The following ADAMTS3 variants were observed in gnomAD, a reference collection of about 807,000 sequenced individuals.
ADAMTS3 encodes the protein ADAM metallopeptidase with thrombospondin type 1 motif 3.
Under a neutral mutation model 129.0 loss-of-function variants are expected in ADAMTS3, and 73 were observed. The ratio of observed to expected loss-of-function variants is 0.57; its 90% CI spans 0.47 to 0.69. ADAMTS3 has a LOEUF of 0.69. ADAMTS3 is among the 30% of genes least tolerant of loss of function. The probability of loss-of-function intolerance (pLI) is 0.00; values close to 1 mark genes in which losing one functional copy is unlikely to be tolerated. For missense variants in ADAMTS3, 1,457 were observed against 1,514.5 expected, an observed-to-expected ratio of 0.96 and a Z score of 0.63; for synonymous variants, 477 against 510.8, an observed-to-expected ratio of 0.93 and a Z score of 0.89.
chr4:72,319,018 C>T (rs1003616421), intron 9 of ADAMTS3, among the ~76,000 whole-genome samples: 1 of 152,108 alleles, frequency 6.6e-6, no homozygotes, highest in Non-Finnish European at 1.5e-5. Context: ...GAGCACAGCT[C>T]GTATCATATG....
At chr4:72,461,802 C>T (rs548356131) in intron 3 of ADAMTS3, among the ~76,000 whole-genome samples, 3 of 151,922 alleles carry the variant, frequency 2.0e-5, no homozygotes, top group Non-Finnish European at 4.4e-5. Flanking sequence ...ATTCAGTTTT[C>T]ACTCACAGTT....
intron 3 of ADAMTS3, among the ~76,000 whole-genome samples, chr4:72,538,294 A>G (rs11939678): frequency 0.29 from 43,603 of 152,094 alleles, 6,527 homozygotes; most frequent in Middle Eastern, 0.35. Context: ...AGCTCAATAA[A>G]CTTCAAGTAG....
At chr4:72,382,525 C>A (rs1721320168) in intron 4 of ADAMTS3, among the ~76,000 whole-genome samples, 2 of 152,026 alleles carry the variant, frequency 1.3e-5, no homozygotes, top group Admixed American at 6.6e-5. Flanking sequence ...AGCAATCTCG[C>A]TACTGGGTAT....
intron 5 of ADAMTS3, among the ~76,000 whole-genome samples, chr4:72,336,414 A>G (rs1481091594): frequency 1.3e-5 from 2 of 152,200 alleles, no homozygotes; most frequent in Admixed American, 1.3e-4. Context: ...TCGTTAGAGA[A>G]AAACTGAATG....
chr4:72,499,300 T>C (rs1013611341), intron 3 of ADAMTS3, among the ~76,000 whole-genome samples: 2 of 152,182 alleles, frequency 1.3e-5, no homozygotes, highest in African/African-American at 4.8e-5. Flanking sequence ...CTTTAGATAC[T>C]TGTTAACAGC....
intron 4 of ADAMTS3, among the ~76,000 whole-genome samples, chr4:72,367,299 T>C (rs1490104790): frequency 1.3e-5 from 2 of 152,180 alleles, no homozygotes; most frequent in Non-Finnish European, 2.9e-5. Context: ...TCTGGTTATC[T>C]AGCCCATAGC....
chr4:72,406,460 C>T (rs1722055562), intron 4 of ADAMTS3, among the ~76,000 whole-genome samples: 4 of 152,070 alleles, frequency 2.6e-5, no homozygotes, highest in African/African-American at 9.7e-5. Flanking sequence ...CAATGAAATC[C>T]TTTTATTAAT....
At chr4:72,492,398 C>G (rs1719771538) in intron 3 of ADAMTS3, among the ~76,000 whole-genome samples, 1 of 150,950 alleles carries the variant, frequency 6.6e-6, no homozygotes, top group Admixed American at 6.6e-5. Context: ...CTTATTAAAG[C>G]TTTTGCTGAA....
At chr4:72,517,869 C>T (rs374908014) in intron 3 of ADAMTS3, among the ~76,000 whole-genome samples, 45,502 of 148,700 alleles carry the variant, frequency 0.31, 6,559 homozygotes, top group Middle Eastern at 0.35. Flanking sequence ...TATTTCTTGC[C>T]TTCTGCTAGC....
intron 14 of ADAMTS3, 73 bp downstream of exon 14, chr4:72,310,975 T>C (rs1250654825): frequency 7.3e-7 from 1 of 1,365,364 alleles, no homozygotes; most frequent in Non-Finnish European, 9.8e-7. Flanking sequence ...GTTTAAAAAA[T>C]TAAAAATGTG....
At chr4:72,336,527 A>T (rs1477754073) in intron 5 of ADAMTS3, among the ~76,000 whole-genome samples, 1 of 152,178 alleles carries the variant, frequency 6.6e-6, no homozygotes, top group East Asian at 1.9e-4. Flanking sequence ...AAAAGGAAAG[A>T]GCCTGCTCAG....
At chr4:72,509,968 T>C (rs1403588113) in intron 3 of ADAMTS3, among the ~76,000 whole-genome samples, 1 of 151,528 alleles carries the variant, frequency 6.6e-6, no homozygotes, top group Admixed American at 6.6e-5. Context: ...CATATGCAAA[T>C]CAATCAGCGT....
intron 3 of ADAMTS3, among the ~76,000 whole-genome samples, chr4:72,482,518 G>A (rs764668298): frequency 3.3e-5 from 5 of 152,056 alleles, no homozygotes; most frequent in Non-Finnish European, 4.4e-5. Flanking sequence ...AAGAAGTGGG[G>A]TGGGAGAAAA....
At position 72,530,776 on chromosome 4, in the gene ADAMTS3, ATT is replaced by A. The variant is rs1397768335; in HGVS notation, c.504+17700_504+17701del. Among the ~76,000 whole-genome samples the A allele has an allele frequency of 5.9e-4, 53 of 89,530 alleles. 1 individual carries two copies. Among genetic ancestry groups the A allele is most frequent in the Non-Finnish European group, 6.6e-4 (32 of 48,650 alleles). The allele number at this position is 89,530 out of a possible 152,430, so 58.7% of individuals were successfully genotyped here. ...ATTATATATTATATAGATTATATAT[ATT>A]ATATTATACATTATATATTATATAT... On this transcript the variant is annotated intron_variant, in intron 3 of 21. Transcript: ENST00000286657.
chr4:72,344,458 G>C (rs942660490), intron 4 of ADAMTS3, among the ~76,000 whole-genome samples: 1 of 152,144 alleles, frequency 6.6e-6, no homozygotes, highest in African/African-American at 2.4e-5. Context: ...GATAGAGCCT[G>C]TGATAAAACC....
chr4:72,317,016 T>A (rs1719415577), intron 10 of ADAMTS3, among the ~76,000 whole-genome samples: 1 of 152,068 alleles, frequency 6.6e-6, no homozygotes, highest in African/African-American at 2.4e-5. Flanking sequence ...AATGTTTGTA[T>A]AAGCAAACAT....
rs75325399 is a variant in ADAMTS3, at chr4:72,456,781, G to A, written c.505-41810C>T. 8.8e-3 allele frequency among the ~76,000 whole-genome samples: 1,327 copies of A among 151,484 alleles called. 26 individuals are homozygous for A. Among genetic ancestry groups the A allele is most frequent in the African/African-American group, 0.031 (1,267 of 41,376 alleles). ...ATGGTAGGCTCCTCTTTAATTGGGG[G>A]TGCATTCTTTACATTTGTGTGTTTG... is the stretch of plus-strand genomic sequence containing the variant. On this transcript the variant is annotated intron_variant, in intron 3 of 21. Coordinates refer to ENST00000286657, the MANE Select transcript of ADAMTS3 (RefSeq NM_014243.3).
At chr4:72,530,743 T>C (rs1273595847) in intron 3 of ADAMTS3, among the ~76,000 whole-genome samples, 1 of 24,346 alleles carries the variant, frequency 4.1e-5, no homozygotes, top group Non-Finnish European at 6.3e-5. Context: ...ATATTATATA[T>C]ATTATATATT....
rs1429868150 is a variant in ADAMTS3, at chr4:72,288,791, C to T, written c.3009G>A (p.Lys1003=). The T allele has an allele frequency of 1.2e-6, 2 of 1,613,882 alleles. No individual in the cohort carries two copies. Among genetic ancestry groups the T allele is most frequent in the Non-Finnish European group, 8.5e-7 (1 of 1,179,968 alleles). ...GTTGACAGGCTCTGACCGACTCAGG[C>T]TTTTCACCATCACAGTGGTCCCCAG... The part of the protein sequence containing the change: ...CRAGDHCDGE[K]PESVRACQLP... The change falls in exon 21 of 22, where the codon AAG becomes AAA. Residue 1003 remains lysine (K), a synonymous_variant. Coordinates refer to ENST00000286657, the MANE Select transcript of ADAMTS3 (RefSeq NM_014243.3).
Sources: allele counts gnomAD v4.1 joint callset (sites outside exome capture counted in the v4.1 genomes callset), GRCh38; gene constraint gnomAD v4.1.1; transcripts MANE v1.5; gene names NCBI Gene and HGNC (gene_info 2026-07-23, HGNC 2026-07-21).